SUPT20H: variants seen among roughly 807,000 people sequenced by gnomAD.
The protein encoded by SUPT20H is transcription factor SPT20 homolog.
A neutral mutation model predicts 122.8 loss-of-function variants in SUPT20H; 82 were observed. That is an observed-to-expected ratio of 0.67 (90% CI 0.56 to 0.80). The LOEUF (loss-of-function observed/expected upper bound fraction) is 0.80, where lower values mean the gene tolerates loss of function less well. Ranked by LOEUF, SUPT20H falls within the 30% of genes least tolerant of loss-of-function variation. SUPT20H has a pLI of 0.00. For missense variants in SUPT20H, 831 were observed against 921.6 expected (o/e 0.90, Z 1.27); for synonymous variants, 291 against 313.0 (o/e 0.93, Z 0.74).
At chr13:37,047,636 T>A in intron 4 of SUPT20H, 35 bp from the exon 5 acceptor site, 1 of 1,345,586 alleles carries the variant, frequency 7.4e-7, no homozygotes, top group Non-Finnish European at 1.0e-6. Context: ...ATATAAAATG[T>A]TAACAGAGTA....
intron 9 of SUPT20H, among the ~76,000 whole-genome samples, chr13:37,036,808 C>T (rs114080945): frequency 0.024 from 3,617 of 152,126 alleles, 106 homozygotes; most frequent in African/African-American, 0.071. Context: ...GAATAGTAAA[C>T]ATATTTTCTC....
chr13:37,026,269 A>AT (rs2062249260), intron 15 of SUPT20H, 33 bp from the exon 16 acceptor site: 5 of 1,437,490 alleles, frequency 3.5e-6, no homozygotes, highest in Non-Finnish European at 4.6e-6. Flanking sequence ...AGGAGAGAAA[A>AT]GTATTAGGTA....
At chr13:37,055,214 C>A (rs1015245629) in intron 1 of SUPT20H, among the ~76,000 whole-genome samples, 1 of 152,092 alleles carries the variant, frequency 6.6e-6, no homozygotes, top group Non-Finnish European at 1.5e-5. Context: ...ATAGATTCAA[C>A]GCCATCCCCA....
intron 1 of SUPT20H, among the ~76,000 whole-genome samples, chr13:37,054,319 A>G (rs1356344110): frequency 6.6e-6 from 1 of 152,216 alleles, no homozygotes; most frequent in African/African-American, 2.4e-5. Flanking sequence ...CAACAAAAAA[A>G]GAGAATTTTA....
rs545731951 is a variant in SUPT20H at position 37,012,345 on chromosome 13, T to C, written c.1993-48A>G. 3.0e-5 allele frequency: 44 copies of C among 1,475,216 alleles called. 1 individual carries two copies. The South Asian group carries it at 4.9e-4, about 16-fold the overall frequency. 91.4% of individuals were successfully genotyped at this position (1,475,216 alleles called of 1,614,324 possible). ...ACTTGTACAAGAAAGAAAAACAAAT[T>C]TGAGCTGGTGAAAAGAAATCAGTAT... On this transcript the variant is annotated intron_variant, in intron 23 of 25. Coordinates refer to ENST00000350612, the MANE Select transcript of SUPT20H (RefSeq NM_001014286.3).
intron 2 of SUPT20H, among the ~76,000 whole-genome samples, chr13:37,049,574 T>C (rs1406328143): frequency 6.6e-6 from 1 of 152,064 alleles, no homozygotes; most frequent in African/African-American, 2.4e-5. Flanking sequence ...ACCCTATCTC[T>C]ACTAAAAATA....
At chr13:37,027,516 T>A (rs1272099644) in intron 14 of SUPT20H, among the ~76,000 whole-genome samples, 1 of 152,086 alleles carries the variant, frequency 6.6e-6, no homozygotes, top group African/African-American at 2.4e-5. Flanking sequence ...AGTAAAGGCT[T>A]TACAATTAAC....
At chr13:37,021,869 G>A in intron 20 of SUPT20H, 142 bp downstream of exon 20, 3 of 998,702 alleles carry the variant, frequency 3.0e-6, no homozygotes, top group Non-Finnish European at 1.4e-6. Flanking sequence ...TACATGGTCA[G>A]GCAGCTTCTG....
chr13:37,028,091 TA>T (rs2062635651), intron 14 of SUPT20H, 56 bp downstream of exon 14: 2 of 1,481,404 alleles, frequency 1.4e-6, no homozygotes, highest in Non-Finnish European at 1.8e-6. Context: ...AGTTACTAGA[TA>T]AATTCTTGGT....
intron 21 of SUPT20H, among the ~76,000 whole-genome samples, chr13:37,020,195 CTATCA>C (rs1264335465): frequency 2.6e-5 from 4 of 151,782 alleles, no homozygotes; most frequent in Non-Finnish European, 4.4e-5. Context: ...ATCTAGTTCT[CTATCA>C]TATCATTTTT....
intron 12 of SUPT20H, among the ~76,000 whole-genome samples, 179 bp downstream of exon 12, chr13:37,031,388 A>C (rs2063296627): frequency 6.6e-6 from 1 of 152,114 alleles, no homozygotes; most frequent in African/African-American, 2.4e-5. Context: ...GCTTCTAAAA[A>C]TCATTTTTCG....
intron 9 of SUPT20H, chr13:37,040,051 T>G: frequency 6.1e-6 from 1 of 164,030 alleles, no homozygotes; most frequent in East Asian, 1.7e-4. Flanking sequence ...AAAGATAGGC[T>G]AGGCTAGGGT....
At position 37,019,347 on chromosome 13, in the gene SUPT20H, G is replaced by A. The variant is rs750410887; in HGVS notation, c.1867C>T (p.Leu623Phe). The A allele has an allele frequency of 3.8e-6, 6 of 1,595,772 alleles. No individual in the cohort carries two copies. Among genetic ancestry groups the A allele is most frequent in the Admixed American group, 1.8e-5 (1 of 55,784 alleles). Residue 623 changes from leucine to phenylalanine, a missense_variant, in exon 22 of 26, where the codon CTC becomes TTC. Leu to Phe is a conservative substitution (Grantham distance 22). Transcript: ENST00000350612. The part of the protein sequence containing the change: ...NTSSLRPLNL[L>F]QLPGGSLIFN... ...AAGCAGTATTTCAGGTTTACCTGGA[G>A]TAGATTTAAGGGCCTGAGACTTGAA...
Position 37,022,415 on chromosome 13 carries a change from T to A in SUPT20H, c.1592-335A>T, listed in dbSNP as rs2061566390. On this transcript the variant is annotated intron_variant, in intron 19 of 25. Transcript: ENST00000350612. The surrounding 1 kb of genome is among the most constrained non-coding windows in gnomAD (Gnocchi z 4.5). ...ATCTTACTTAGCACTGACAATTTGT[T>A]CTAGTTTTTTTTTTTTTAGCAGTTA... 2 of 1,293,672 alleles carry A rather than the reference T, an allele frequency of 1.5e-6. No homozygotes were observed. Among genetic ancestry groups the A allele is most frequent in the African/African-American group, 3.0e-5 (2 of 65,852 alleles). 80.1% of individuals were successfully genotyped at this position (1,293,672 alleles called of 1,614,324 possible). A position where few individuals can be genotyped will look rare whatever the true frequency, so the allele number is the denominator to read the frequency against.
Position 37,012,263 on chromosome 13 carries a change from G to C in SUPT20H, c.2027C>G (p.Ala676Gly). ...SEQGSTSQEQ[A>G]LSAQQAAVIN... is the part of the protein sequence containing the mutation. ...AACAGCAGCTTGCTGAGCAGATAAGGCCTGTTCTTGACTGGTTGAACCTTG... is the reference window on the plus strand; with the variant it reads ...AACAGCAGCTTGCTGAGCAGATAAGCCCTGTTCTTGACTGGTTGAACCTTG... The change falls in exon 24 of 26, where the codon GCC (alanine) becomes GGC (glycine). Residue 676 changes from alanine to glycine, a missense_variant. Ala to Gly is a moderately conservative substitution (Grantham distance 60). Transcript: ENST00000350612. 1 of 1,613,360 alleles carries C rather than the reference G, an allele frequency of 6.2e-7. No homozygotes were observed. The highest frequency in any genetic ancestry group is 8.5e-7 in the Non-Finnish European group (1 of 1,179,470).
chr13:37,045,111 C>T, intron 6 of SUPT20H, 136 bp downstream of exon 6: 1 of 1,096,726 alleles, frequency 9.1e-7, no homozygotes, highest in Non-Finnish European at 1.3e-6. Flanking sequence ...AAACTGGGAT[C>T]AAAATCTGTT....
Position 37,022,654 on chromosome 13 carries a change from G to C in SUPT20H, c.1592-574C>G. The stretch of plus-strand genomic sequence containing the variant: ...GTTCAAAACGAATTCAAATTAATTT[G>C]TTATTTACGATTTCACTAATTCAAG... On this transcript the variant is annotated intron_variant, in intron 19 of 25. Coordinates refer to ENST00000350612, the MANE Select transcript of SUPT20H (RefSeq NM_001014286.3). This position sits in a 1 kb window ranked among gnomAD's most constrained non-coding sequence, Gnocchi z 4.5. 9.8e-7 allele frequency: 1 copy of C among 1,021,580 alleles called. No individual in the cohort carries two copies. The highest frequency in any genetic ancestry group is 1.2e-6 in the Non-Finnish European group (1 of 853,424). 63.3% of individuals were successfully genotyped at this position (1,021,580 alleles called of 1,614,324 possible). A position where few individuals can be genotyped will look rare whatever the true frequency, so the allele number is the denominator to read the frequency against.
chr13:37,022,183 G>A lies in SUPT20H; in HGVS notation c.1592-103C>T, dbSNP rs2061542992. ...TGAGCAAACTGAGTTAACAAAGTGG[G>A]CTGAGGGGTGAAGCCTGAATCTTGG... On this transcript the variant is annotated intron_variant, in intron 19 of 25. Coordinates refer to ENST00000350612, the MANE Select transcript of SUPT20H (RefSeq NM_001014286.3). The surrounding 1 kb of genome is among the most constrained non-coding windows in gnomAD (Gnocchi z 4.5). 2 of 1,611,330 alleles carry A rather than the reference G, an allele frequency of 1.2e-6. No homozygotes were observed. Among genetic ancestry groups the A allele is most frequent in the Non-Finnish European group, 1.7e-6 (2 of 1,178,562 alleles).
At chr13:37,025,489 A>T (rs1437327072) in intron 16 of SUPT20H, 52 bp from the exon 17 acceptor site, 1 of 1,252,298 alleles carries the variant, frequency 8.0e-7, no homozygotes, top group East Asian at 2.4e-5. Flanking sequence ...TTTTAAACAC[A>T]AATTTATTTT....
Sources: allele counts gnomAD v4.1 joint callset (sites outside exome capture counted in the v4.1 genomes callset), GRCh38; gene constraint gnomAD v4.1.1; non-coding constraint Gnocchi (gnomAD v3.1); transcripts MANE v1.5; gene names NCBI Gene and HGNC (gene_info 2026-07-23, HGNC 2026-07-21).